ABCG1: variants seen among roughly 807,000 people sequenced by gnomAD.
The protein encoded by ABCG1 is ATP binding cassette subfamily G member 1.
Under a neutral mutation model 69.2 loss-of-function variants are expected in ABCG1, and 29 were observed. The ratio of observed to expected loss-of-function variants is 0.42; its 90% CI spans 0.31 to 0.57. The LOEUF (loss-of-function observed/expected upper bound fraction) is 0.57, where lower values mean the gene tolerates loss of function less well. Among genes scored for constraint, ABCG1 ranks in the 20% least tolerant of loss-of-function variants. ABCG1 has a pLI of 0.15. For synonymous variants in ABCG1, 370 were observed against 374.8 expected (o/e 0.99, Z 0.15); for missense variants, 718 against 898.1 (o/e 0.80, Z 2.56).
chr21:42,279,124 A>G (rs1387456647), intron 5 of ABCG1, among the ~76,000 whole-genome samples: 4 of 151,976 alleles, frequency 2.6e-5, no homozygotes, highest in African/African-American at 7.3e-5. Flanking sequence ...TGTCTCGGAT[A>G]GCCCTCCATC....
chr21:42,248,707 G>A (rs923850734), intron 2 of ABCG1, among the ~76,000 whole-genome samples: 2 of 151,658 alleles, frequency 1.3e-5, no homozygotes, highest in African/African-American at 4.9e-5. Context: ...GGGCAACATG[G>A]CGAAACCCTG....
intron 2 of ABCG1, among the ~76,000 whole-genome samples, chr21:42,263,771 G>A (rs1307821594): frequency 5.9e-5 from 9 of 152,322 alleles, no homozygotes; most frequent in East Asian, 3.9e-4. Context: ...GGGGCCAGGC[G>A]GCTGGGCCTG....
chr21:42,200,366 C>G (rs763033691), intron 1 of ABCG1, among the ~76,000 whole-genome samples: 4 of 152,218 alleles, frequency 2.6e-5, no homozygotes, highest in Non-Finnish European at 5.9e-5. Context: ...CAGCCTCCCC[C>G]TCTCAGCCTG....
At chr21:42,235,110 C>T (rs1441697050) in intron 2 of ABCG1, among the ~76,000 whole-genome samples, 1 of 152,190 alleles carries the variant, frequency 6.6e-6, no homozygotes, top group Non-Finnish European at 1.5e-5. Flanking sequence ...GTTCTCCTCC[C>T]CAGGTCCAGG....
chr21:42,245,154 A>G (rs1362456262), intron 2 of ABCG1, among the ~76,000 whole-genome samples: 1 of 152,118 alleles, frequency 6.6e-6, no homozygotes, highest in Non-Finnish European at 1.5e-5. Flanking sequence ...GTGAATCTAG[A>G]CACCCCACAC....
At position 42,288,352 on chromosome 21, in the gene ABCG1, G is replaced by T; in HGVS notation, c.1224+40G>T. 1.3e-6 allele frequency: 2 copies of T among 1,494,624 alleles called. No individual in the cohort carries two copies. Among genetic ancestry groups the T allele is most frequent in the South Asian group, 1.1e-5 (1 of 88,114 alleles). 92.6% of individuals were successfully genotyped at this position (1,494,624 alleles called of 1,614,324 possible). On this transcript the variant is annotated intron_variant, in intron 10 of 14. Coordinates refer to ENST00000398449, the MANE Select transcript of ABCG1 (RefSeq NM_016818.3). This position sits in a 1 kb window ranked among gnomAD's most constrained non-coding sequence, Gnocchi z 4.8. Reference sequence around the variant, plus strand: ...ATCTTCTCCTGTAGCTGGGGAACCCGTGGGTCATTTTCTCAGACTCGTCCT... The same window carrying T: ...ATCTTCTCCTGTAGCTGGGGAACCCTTGGGTCATTTTCTCAGACTCGTCCT...
intron 2 of ABCG1, among the ~76,000 whole-genome samples, chr21:42,237,694 A>C (rs2067997146): frequency 6.6e-6 from 1 of 152,172 alleles, no homozygotes; most frequent in Non-Finnish European, 1.5e-5. Context: ...TAGAGAGGAG[A>C]AGTAGAGAGG....
chr21:42,218,159 C>G (rs371254731), upstream of ABCG1, among the ~76,000 whole-genome samples: 12 of 152,278 alleles, frequency 7.9e-5, no homozygotes, highest in East Asian at 9.6e-4. Flanking sequence ...AAGAGAGAGA[C>G]CTGGCTCATC....
rs7278222 is a variant in ABCG1 at position 42,266,261 on chromosome 21, A to G, written c.287-4809A>G. 6.5e-3 allele frequency among the ~76,000 whole-genome samples: 988 copies of G among 152,242 alleles called. 7 individuals carry two copies. The highest frequency in any genetic ancestry group is 0.022 in the African/African-American group (919 of 41,520). ...GTTTGCAGTGAGCCGAGATTGCGCC[A>G]CTGCACTCCAGCCTGGGTGACAGAG... On this transcript the variant is annotated intron_variant, in intron 2 of 14. Transcript: ENST00000398449.
intron 2 of ABCG1, among the ~76,000 whole-genome samples, chr21:42,204,009 T>C (rs1011121741): frequency 2.0e-5 from 3 of 152,250 alleles, no homozygotes; most frequent in South Asian, 2.1e-4. Flanking sequence ...TTTGAGCAGT[T>C]GTGAATGGTG....
upstream of ABCG1, among the ~76,000 whole-genome samples, chr21:42,212,912 C>G (rs2067603644): frequency 1.3e-5 from 2 of 152,142 alleles, no homozygotes; most frequent in African/African-American, 4.8e-5. Flanking sequence ...CCAGGATGGT[C>G]TCGATCTCCT....
chr21:42,288,135 A>T lies in ABCG1; in HGVS notation c.1123-76A>T, dbSNP rs1292844476. ...ACGTGGCACCGTGCACTGCTGCATG[A>T]GAGCTCTTTCCGAGCAAGAAGGAGC... On this transcript the variant is annotated intron_variant, in intron 9 of 14. Coordinates refer to ENST00000398449, the MANE Select transcript of ABCG1 (RefSeq NM_016818.3). This position sits in a 1 kb window ranked among gnomAD's most constrained non-coding sequence, Gnocchi z 4.8. The T allele has an allele frequency of 6.2e-7, 1 of 1,611,830 alleles. No individual in the cohort carries two copies. Among genetic ancestry groups the T allele is most frequent in the Non-Finnish European group, 8.5e-7 (1 of 1,177,898 alleles).
Position 42,291,064 on chromosome 21 carries a change from C to T in ABCG1, c.1394-28C>T. The T allele has an allele frequency of 8.3e-6, 13 of 1,564,282 alleles. No individual in the cohort carries two copies. The highest frequency in any genetic ancestry group is 1.1e-5 in the Non-Finnish European group (12 of 1,135,418). On this transcript the variant is annotated intron_variant, in intron 11 of 14. Transcript: ENST00000398449. This position sits in a 1 kb window ranked among gnomAD's most constrained non-coding sequence, Gnocchi z 6.4. ...GGGCTCGCTGCACATGGTCACTGAC[C>T]CTTCTTTTTTGCTTTTCTATCTCCT...
chr21:42,296,293 C>T lies in ABCG1; in HGVS notation c.1902C>T (p.Ala634=). Residue 634 remains alanine, a synonymous_variant, in exon 15 of 15, where the codon GCC becomes GCT. Transcript: ENST00000398449. The surrounding 1 kb of genome is among the most constrained non-coding windows in gnomAD (Gnocchi z 5.4). ...TGCGGGAGCTGGACGTGGAAAATGC[C>T]AAGCTGTACCTGGACTTCATCGTAC... ...AILRELDVEN[A]KLYLDFIVLG... 1 of 1,614,198 alleles carries T rather than the reference C, an allele frequency of 6.2e-7. No homozygotes were observed. The highest frequency in any genetic ancestry group is 8.5e-7 in the Non-Finnish European group (1 of 1,180,040).
intron 2 of ABCG1, among the ~76,000 whole-genome samples, chr21:42,202,992 T>A (rs529902797): frequency 6.6e-6 from 1 of 152,264 alleles, no homozygotes; most frequent in East Asian, 1.9e-4. Flanking sequence ...TGGAACAGAA[T>A]AGAAAACCCA....
At chr21:42,201,124 C>T (rs2067503169) in intron 1 of ABCG1, among the ~76,000 whole-genome samples, 1 of 151,948 alleles carries the variant, frequency 6.6e-6, no homozygotes, top group African/African-American at 2.4e-5. Context: ...CTGTCACTTG[C>T]CACTCACTGA....
In ABCG1 at chr21:42,219,399, C is replaced by T. The variant is rs2067684585; in HGVS notation, c.42+95C>T. On this transcript the variant is annotated intron_variant, in intron 1 of 14. Coordinates refer to ENST00000398449, the MANE Select transcript of ABCG1 (RefSeq NM_016818.3). The surrounding 1 kb of genome is among the most constrained non-coding windows in gnomAD (Gnocchi z 5.3). Reference sequence around the variant, plus strand: ...CTCGCAAGCTCGACCTGACACCCCTCCCAGGAGCGCGTCCTCTGGGCGCTG... The same window carrying T: ...CTCGCAAGCTCGACCTGACACCCCTTCCAGGAGCGCGTCCTCTGGGCGCTG... 4.7e-6 allele frequency: 7 copies of T among 1,498,968 alleles called. No individual in the cohort carries two copies. Among genetic ancestry groups the T allele is most frequent in the Non-Finnish European group, 5.3e-6 (6 of 1,121,968 alleles). The allele number at this position is 1,498,968 out of a possible 1,614,324, so 92.9% of individuals were successfully genotyped here. A position where few individuals can be genotyped will look rare whatever the true frequency, so the allele number is the denominator to read the frequency against.
chr21:42,251,580 G>A (rs898062909), intron 2 of ABCG1, among the ~76,000 whole-genome samples: 2 of 152,048 alleles, frequency 1.3e-5, no homozygotes, highest in South Asian at 2.1e-4. Context: ...GAATGGCAGC[G>A]GCCAACGCAT....
chr21:42,259,465 C>G (rs902790601), intron 2 of ABCG1: 29 of 1,548,864 alleles, frequency 1.9e-5, no homozygotes, highest in Non-Finnish European at 1.9e-5. Context: ...CTACAGGGCT[C>G]AAGCATTGTC....
Sources: allele counts gnomAD v4.1 joint callset (sites outside exome capture counted in the v4.1 genomes callset), GRCh38; gene constraint gnomAD v4.1.1; non-coding constraint Gnocchi (gnomAD v3.1); transcripts MANE v1.5; gene names NCBI Gene and HGNC (gene_info 2026-07-23, HGNC 2026-07-21).